Variants in FSTL1 observed in about 807,000 individuals in gnomAD.
FSTL1 encodes follistatin-related protein 1.
FSTL1 carries 24 observed loss-of-function variants against 45.9 expected under a neutral mutation model. The ratio of observed to expected loss-of-function variants is 0.52; its 90% CI spans 0.38 to 0.74. The LOEUF (loss-of-function observed/expected upper bound fraction) is 0.74, where lower values mean the gene tolerates loss of function less well. FSTL1 is among the 30% of genes least tolerant of loss of function. FSTL1 has a pLI of 0.00. For synonymous variants in FSTL1, 120 were observed against 137.6 expected (o/e 0.87, Z 0.89); for missense variants, 340 against 381.8 (o/e 0.89, Z 0.91).
At chr3:120,436,221 A>G (rs1418669946) in intron 2 of FSTL1, among the ~76,000 whole-genome samples, 1 of 152,244 alleles carries the variant, frequency 6.6e-6, no homozygotes, top group Non-Finnish European at 1.5e-5. Flanking sequence ...TAACTTTGTA[A>G]CTATCCTTTA....
rs201141663 is a variant in FSTL1, at chr3:120,409,670, A to T, written c.332-8T>A. ...TGGACTGATAGCAAACAACTGCAGG[A>T]AAGTGGAGGATGTCAGCTGGAGCAG... On this transcript the variant is annotated splice_polypyrimidine_tract_variant and splice_region_variant and intron_variant, in intron 5 of 10. Transcript: ENST00000295633. The T allele has an allele frequency of 1.9e-6, 3 of 1,613,774 alleles. No individual in the cohort carries two copies. Among genetic ancestry groups the T allele is most frequent in the Non-Finnish European group, 1.7e-6 (2 of 1,179,764 alleles).
At chr3:120,424,517 T>C (rs1387301358) in intron 2 of FSTL1, among the ~76,000 whole-genome samples, 2 of 152,154 alleles carry the variant, frequency 1.3e-5, no homozygotes, top group African/African-American at 4.8e-5. Context: ...TATAGGTTTT[T>C]GAGCAGGAGA....
At chr3:120,407,181 G>T (rs1576210488) in intron 6 of FSTL1, among the ~76,000 whole-genome samples, 1 of 152,202 alleles carries the variant, frequency 6.6e-6, no homozygotes, top group African/African-American at 2.4e-5. Context: ...AGGCAGAAAA[G>T]ATGTATGTCA....
intron 2 of FSTL1, among the ~76,000 whole-genome samples, chr3:120,430,754 T>C (rs1170928044): frequency 6.6e-6 from 1 of 152,144 alleles, no homozygotes; most frequent in East Asian, 1.9e-4. Context: ...TGCCAGGGGC[T>C]CAAGGAGGAG....
chr3:120,410,586 T>C (rs1470817433), intron 5 of FSTL1: 1 of 363,484 alleles, frequency 2.8e-6, no homozygotes, highest in Non-Finnish European at 5.4e-6. Context: ...TACTGGCATT[T>C]CCAGTTATCC....
chr3:120,428,358 A>G (rs1576222072), intron 2 of FSTL1, among the ~76,000 whole-genome samples: 1 of 151,980 alleles, frequency 6.6e-6, no homozygotes, highest in Non-Finnish European at 1.5e-5. Context: ...GGCTGGGGGG[A>G]TAGTAGGGAT....
chr3:120,427,764 G>GTTTAAATATTTA lies in FSTL1; in HGVS notation c.64-11749_64-11738dup, dbSNP rs539438705. 7.9e-4 allele frequency among the ~76,000 whole-genome samples: 120 copies of GTTTAAATATTTA among 152,346 alleles called. No individual in the cohort carries two copies. The East Asian group carries it at 0.014, about 17-fold the overall frequency. On this transcript the variant is annotated intron_variant, in intron 2 of 10. Transcript: ENST00000295633. Reference sequence around the variant, plus strand: ...CTTTCAGTCATTTCCTTTGTCCACAGTTTAAATATTTAACCTAACTGAGAC... The same window carrying GTTTAAATATTTA: ...CTTTCAGTCATTTCCTTTGTCCACAGTTTAAATATTTATTTAAATATTTAACCTAACTGAGAC...
intron 6 of FSTL1, among the ~76,000 whole-genome samples, chr3:120,407,670 A>C (rs545003202): frequency 6.6e-6 from 1 of 152,334 alleles, no homozygotes; most frequent in South Asian, 2.1e-4. Context: ...ACCTAGGAGG[A>C]GGCAGTCTCC....
Position 120,412,580 on chromosome 3 carries a change from CAG to C in FSTL1, c.169-599_169-598del, listed in dbSNP as rs1475978989. ...TTATTATTTATTAATTACCCAATCT[CAG>C]ATATTTTGTTATAGCAGCCCAAACA... is the stretch of plus-strand genomic sequence containing the variant. On this transcript the variant is annotated intron_variant, in intron 3 of 10. Transcript: ENST00000295633. Among the ~76,000 whole-genome samples the C allele has an allele frequency of 3.3e-5, 5 of 152,286 alleles. No individual in the cohort carries two copies. In the South Asian group the frequency reaches 1.0e-3, roughly 32 times the overall value.
intron 2 of FSTL1, among the ~76,000 whole-genome samples, chr3:120,426,741 C>T (rs994578012): frequency 1.3e-5 from 2 of 152,228 alleles, no homozygotes; most frequent in East Asian, 1.9e-4. Flanking sequence ...ATGCCCGACA[C>T]TGTCACCTAC....
chr3:120,412,830 G>A (rs868273539), intron 3 of FSTL1, among the ~76,000 whole-genome samples: 2,221 of 81,910 alleles, frequency 0.027, 27 homozygotes, highest in Non-Finnish European at 0.039. Flanking sequence ...GCGCGCGCGC[G>A]CGCGCGCGCA....
At chr3:120,436,140 T>A (rs1937553475) in intron 2 of FSTL1, among the ~76,000 whole-genome samples, 1 of 151,586 alleles carries the variant, frequency 6.6e-6, no homozygotes. Context: ...ATCTAGCTTA[T>A]ATATGTTCCT....
Position 120,396,298 on chromosome 3 carries a change from G to A in FSTL1, c.*654C>T, listed in dbSNP as rs1936698138. 1.3e-5 allele frequency: 2 copies of A among 152,550 alleles called. No individual in the cohort carries two copies. Among genetic ancestry groups the A allele is most frequent in the Admixed American group, 1.3e-4 (2 of 15,244 alleles). The allele number at this position is 152,550 out of a possible 1,614,324, so 9.4% of individuals were successfully genotyped here. A position where few individuals can be genotyped will look rare whatever the true frequency, so the allele number is the denominator to read the frequency against. ...TTGCCAAAAAAAAGTGTTTTACAGA[G>A]AAATAGCACCTTTGGTAAAAAGTAT... On this transcript the variant is annotated 3_prime_UTR_variant, in exon 11 of 11. Transcript: ENST00000295633.
intron 2 of FSTL1, among the ~76,000 whole-genome samples, chr3:120,425,055 AG>A (rs71156799): frequency 0.22 from 32,822 of 152,018 alleles, 4,636 homozygotes; most frequent in Non-Finnish European, 0.32. Context: ...CACAGACAGC[AG>A]GAAGAGCAGC....
At chr3:120,398,617 C>T (rs866978634) in intron 10 of FSTL1, among the ~76,000 whole-genome samples, 2 of 152,334 alleles carry the variant, frequency 1.3e-5, no homozygotes, top group South Asian at 2.1e-4. Context: ...TGAATACACA[C>T]TCTTCATTAC....
At chr3:120,437,060 T>G (rs1165445762) in intron 2 of FSTL1, among the ~76,000 whole-genome samples, 1 of 152,238 alleles carries the variant, frequency 6.6e-6, no homozygotes, top group Non-Finnish European at 1.5e-5. Flanking sequence ...CTGATAGAAA[T>G]TCCACTGTAT....
rs570487292 is a variant in FSTL1 at position 120,426,025 on chromosome 3, G to A, written c.64-9998C>T. ...GAAAGGCTAAAGGAAATTCACATGC[G>A]ATTCACAATTCTTCATTCCTGCCAA... is the stretch of plus-strand genomic sequence containing the variant. On this transcript the variant is annotated intron_variant, in intron 2 of 10. Transcript: ENST00000295633. Among the ~76,000 whole-genome samples the A allele has an allele frequency of 2.0e-5, 3 of 152,266 alleles. No homozygotes were observed. In the East Asian group the frequency reaches 5.8e-4, roughly 29 times the overall value.
At chr3:120,435,767 C>T (rs954892848) in intron 2 of FSTL1, among the ~76,000 whole-genome samples, 3 of 152,192 alleles carry the variant, frequency 2.0e-5, no homozygotes, top group Admixed American at 6.5e-5. Flanking sequence ...CACTACACGA[C>T]AATGCCATTT....
chr3:120,433,660 G>A (rs893064931), intron 2 of FSTL1, among the ~76,000 whole-genome samples: 1 of 152,218 alleles, frequency 6.6e-6, no homozygotes, highest in Non-Finnish European at 1.5e-5. Context: ...TTCAGCCTGT[G>A]ATCAGTAAGT....
Sources: gnomAD v4.1 joint callset for allele counts (sites outside exome capture counted in the v4.1 genomes callset) on GRCh38, gnomAD v4.1.1 for gene constraint, MANE v1.5 for transcripts, NCBI Gene and HGNC (gene_info 2026-07-23, HGNC 2026-07-21) for gene names.